Variants in CLEC16A observed in about 807,000 individuals in gnomAD.
CLEC16A encodes protein CLEC16A.
Under a neutral mutation model 109.5 loss-of-function variants are expected in CLEC16A, and 51 were observed. The ratio of observed to expected loss-of-function variants is 0.47; its 90% CI spans 0.37 to 0.59. The LOEUF is 0.59. Ranked by LOEUF, CLEC16A falls within the 20% of genes least tolerant of loss-of-function variation. The pLI is 0.00. For synonymous variants in CLEC16A, 673 were observed against 564.2 expected, an observed-to-expected ratio of 1.19 and a Z score of -2.73; for missense variants, 1,339 against 1,394.0, an observed-to-expected ratio of 0.96 and a Z score of 0.63.
chr16:10,994,973 G>T (rs2044244646), intron 10 of CLEC16A, among the ~76,000 whole-genome samples: 1 of 152,202 alleles, frequency 6.6e-6, no homozygotes, highest in Non-Finnish European at 1.5e-5. Flanking sequence ...ACTGGGGCTA[G>T]TTTATTCCTG....
chr16:11,141,873 C>T (rs74356970), intron 22 of CLEC16A, among the ~76,000 whole-genome samples: 1,687 of 152,278 alleles, frequency 0.011, 20 homozygotes, highest in Admixed American at 0.02. Flanking sequence ...TCTCAGTAAC[C>T]GCAGAGCGTA....
At chr16:11,143,250 C>T (rs1211768814) in intron 22 of CLEC16A, among the ~76,000 whole-genome samples, 1 of 152,184 alleles carries the variant, frequency 6.6e-6, no homozygotes, top group Non-Finnish European at 1.5e-5. Flanking sequence ...ATTTATAATA[C>T]AGAGCCTGGC....
At chr16:11,151,997 G>A (rs1048226811) in intron 22 of CLEC16A, among the ~76,000 whole-genome samples, 1 of 152,174 alleles carries the variant, frequency 6.6e-6, no homozygotes, top group Admixed American at 6.5e-5. Context: ...GAGAACCAGG[G>A]GGTTTTGTGT....
intron 19 of CLEC16A, among the ~76,000 whole-genome samples, chr16:11,062,015 A>G (rs562848152): frequency 2.0e-5 from 3 of 152,160 alleles, no homozygotes; most frequent in Admixed American, 6.5e-5. Flanking sequence ...TTAATTCTCT[A>G]AAGTCTGGGG....
At chr16:11,071,898 T>C (rs904856856) in intron 19 of CLEC16A, among the ~76,000 whole-genome samples, 1 of 151,808 alleles carries the variant, frequency 6.6e-6, no homozygotes, top group Non-Finnish European at 1.5e-5. Flanking sequence ...GCTAATATTA[T>C]CTTTCTTGAG....
chr16:10,984,342 GAATT>G (rs2043499326), intron 10 of CLEC16A, among the ~76,000 whole-genome samples: 1 of 152,226 alleles, frequency 6.6e-6, no homozygotes, highest in Admixed American at 6.5e-5. Context: ...TGGCATTAGT[GAATT>G]GATTGGGGCC....
chr16:11,029,561 G>A (rs2046619326), intron 13 of CLEC16A, among the ~76,000 whole-genome samples: 1 of 151,994 alleles, frequency 6.6e-6, no homozygotes, highest in African/African-American at 2.4e-5. Context: ...CAATCACTGG[G>A]CCACTGCCTT....
chr16:11,102,860 A>G (rs1045452060), intron 19 of CLEC16A, among the ~76,000 whole-genome samples: 9 of 152,234 alleles, frequency 5.9e-5, no homozygotes, highest in Admixed American at 4.6e-4. Context: ...CACTATAGGG[A>G]CAGTATTGTT....
intron 23 of CLEC16A, among the ~76,000 whole-genome samples, chr16:11,172,321 C>T (rs919598163): frequency 2.0e-5 from 3 of 152,178 alleles, no homozygotes; most frequent in African/African-American, 2.4e-5. Context: ...TAGATGCACA[C>T]AGTCACATAC....
intron 13 of CLEC16A, among the ~76,000 whole-genome samples, chr16:11,031,885 C>A (rs1222398945): frequency 2.0e-5 from 3 of 152,226 alleles, no homozygotes; most frequent in African/African-American, 7.2e-5. Context: ...CTTGCAGTTT[C>A]TGATGAATTT....
At chr16:10,964,191 C>T (rs548865333) in intron 3 of CLEC16A, among the ~76,000 whole-genome samples, 1 of 152,264 alleles carries the variant, frequency 6.6e-6, no homozygotes, top group Non-Finnish European at 1.5e-5. Context: ...CTCTCGCAGC[C>T]GCCGCTAGGT....
intron 10 of CLEC16A, among the ~76,000 whole-genome samples, chr16:10,993,019 G>A (rs1157810108): frequency 6.6e-6 from 1 of 152,090 alleles, no homozygotes; most frequent in Non-Finnish European, 1.5e-5. Context: ...GGAGTTGGGT[G>A]TATATGGGAT....
intron 23 of CLEC16A, among the ~76,000 whole-genome samples, chr16:11,177,376 G>A (rs1170157206): frequency 6.6e-6 from 1 of 152,080 alleles, no homozygotes; most frequent in Non-Finnish European, 1.5e-5. Flanking sequence ...CGAGGCGGGC[G>A]GATCACTTGA....
At chr16:10,975,461 A>G (rs2146488643) in intron 7 of CLEC16A, among the ~76,000 whole-genome samples, 1 of 152,352 alleles carries the variant, frequency 6.6e-6, no homozygotes, top group South Asian at 2.1e-4. Flanking sequence ...AAACCAAAGT[A>G]TTAAAAAGTG....
chr16:11,091,853 C>T (rs987436076), intron 19 of CLEC16A, among the ~76,000 whole-genome samples: 2 of 152,108 alleles, frequency 1.3e-5, no homozygotes, highest in African/African-American at 2.4e-5. Flanking sequence ...AGCTCCCCCT[C>T]GTAAGTTACC....
chr16:11,085,892 G>A (rs1027143151), intron 19 of CLEC16A, among the ~76,000 whole-genome samples: 2 of 152,122 alleles, frequency 1.3e-5, no homozygotes, highest in Non-Finnish European at 2.9e-5. Context: ...GTGCCTGGCC[G>A]GGAATCCCAT....
chr16:10,966,556 A>G (rs914166988), intron 3 of CLEC16A, among the ~76,000 whole-genome samples: 2 of 152,230 alleles, frequency 1.3e-5, no homozygotes, highest in Non-Finnish European at 2.9e-5. Flanking sequence ...ATACGTAGAT[A>G]TACCCGAGGC....
chr16:10,946,620 A>C (rs549028056), intron 1 of CLEC16A, among the ~76,000 whole-genome samples: 2 of 152,110 alleles, frequency 1.3e-5, no homozygotes, highest in Non-Finnish European at 1.5e-5. Context: ...AGTTATCCAG[A>C]GGAGGTTGGG....
At position 11,101,097 on chromosome 16, in the gene CLEC16A, A is replaced by G. The variant is rs75148405; in HGVS notation, c.2117-19518A>G. 2.8e-3 allele frequency among the ~76,000 whole-genome samples: 427 copies of G among 152,294 alleles called. 3 individuals are homozygous for G. The highest frequency in any genetic ancestry group is 2.7e-3 in the Non-Finnish European group (184 of 68,018). ...ACAAATGTCATGTTATTTTTTCTTA[A>G]TATGCTTAGTAAACTCTTTGTTCGT... On this transcript the variant is annotated intron_variant, in intron 19 of 23. Transcript: ENST00000409790.
Sources: gnomAD v4.1 joint callset for allele counts (sites outside exome capture counted in the v4.1 genomes callset) on GRCh38, gnomAD v4.1.1 for gene constraint, MANE v1.5 for transcripts, NCBI Gene and HGNC (gene_info 2026-07-23, HGNC 2026-07-21) for gene names.